RTTN: variants seen among roughly 807,000 people sequenced by gnomAD.
RTTN encodes the protein rotatin.
RTTN carries 182 observed loss-of-function variants against 269.2 expected under a neutral mutation model. That is an observed-to-expected ratio of 0.68 (90% confidence interval 0.60 to 0.76). RTTN has a LOEUF of 0.76. Among genes scored for constraint, RTTN ranks in the 30% least tolerant of loss-of-function variants. The pLI is 0.00. For synonymous variants in RTTN, 1,006 were observed against 963.5 expected (o/e 1.04, Z -0.82); for missense variants, 2,545 against 2,608.6 (o/e 0.98, Z 0.53).
chr18:70,080,915 G>C (rs933917373), intron 32 of RTTN, among the ~76,000 whole-genome samples: 4 of 143,310 alleles, frequency 2.8e-5, no homozygotes, highest in African/African-American at 1.0e-4. Flanking sequence ...TGGATAAACT[G>C]GTGTGTGTGG....
intron 20 of RTTN, 28 bp from the exon 21 acceptor site, chr18:70,139,744 T>G (rs1326758858): frequency 7.4e-7 from 1 of 1,347,300 alleles, no homozygotes; most frequent in South Asian, 1.2e-5. Context: ...ACACAGCTTT[T>G]CATTTTCACC....
chr18:70,036,438 C>A (rs918607456), intron 40 of RTTN, among the ~76,000 whole-genome samples: 5 of 152,106 alleles, frequency 3.3e-5, no homozygotes, highest in Non-Finnish European at 4.4e-5. Context: ...GGAAACAATG[C>A]AGGAACAGAA....
chr18:70,136,206 A>C (rs1260235809), intron 21 of RTTN, among the ~76,000 whole-genome samples: 1 of 76,526 alleles, frequency 1.3e-5, no homozygotes, highest in African/African-American at 3.2e-5. Flanking sequence ...AATGAACCAT[A>C]ATATTTCCAA....
chr18:70,157,942 G>A (rs1478335875), intron 14 of RTTN, among the ~76,000 whole-genome samples: 2 of 151,546 alleles, frequency 1.3e-5, no homozygotes, highest in Admixed American at 6.6e-5. Flanking sequence ...AAGAAATATG[G>A]GATTATGTAA....
At chr18:70,121,429 T>C in intron 26 of RTTN, 127 bp downstream of exon 26, 2 of 738,632 alleles carry the variant, frequency 2.7e-6, no homozygotes, top group Non-Finnish European at 2.1e-6. Flanking sequence ...GAGCCATTCA[T>C]TACATGAAGA....
chr18:70,042,890 A>G (rs1599242533), intron 40 of RTTN, among the ~76,000 whole-genome samples: 1 of 152,210 alleles, frequency 6.6e-6, no homozygotes, highest in Non-Finnish European at 1.5e-5. Flanking sequence ...CTACGCAAAA[A>G]TGAAGAGCAT....
chr18:70,166,158 T>C lies in RTTN; in HGVS notation c.1833A>G (p.Leu611=). 6.2e-7 allele frequency: 1 copy of C among 1,613,654 alleles called. No homozygotes were observed. The highest frequency in any genetic ancestry group is 8.5e-7 in the Non-Finnish European group (1 of 1,179,698). The change falls in exon 14 of 49, where the codon CTA becomes CTG. Residue 611 remains leucine, a synonymous_variant. Transcript: ENST00000640769. ...GAAGCACCTTCTGACTTTCTCCTTG[T>C]AGTAATGGACTGGCCTGAGCAGATT... is the stretch of plus-strand genomic sequence containing the variant. ...IWKSAQASPL[L]QGESQKVLLH...
At chr18:70,030,180 T>C in intron 41 of RTTN, 71 bp from the exon 42 acceptor site, 1 of 963,266 alleles carries the variant, frequency 1.0e-6, no homozygotes, top group Non-Finnish European at 1.6e-6. Context: ...CATATACCAA[T>C]CAGATTCTCA....
At chr18:70,068,612 G>A (rs2058211615) in intron 34 of RTTN, among the ~76,000 whole-genome samples, 2 of 152,208 alleles carry the variant, frequency 1.3e-5, no homozygotes, top group Admixed American at 6.5e-5. Flanking sequence ...CTTAGTTTAA[G>A]AGCAAACTTA....
intron 11 of RTTN, among the ~76,000 whole-genome samples, chr18:70,174,668 G>T: frequency 6.6e-6 from 1 of 150,674 alleles, no homozygotes; most frequent in Non-Finnish European, 1.5e-5. Context: ...AATTTATGAA[G>T]TGTTTAATTA....
intron 11 of RTTN, among the ~76,000 whole-genome samples, chr18:70,169,699 C>T (rs1242260797): frequency 6.6e-6 from 1 of 152,190 alleles, no homozygotes; most frequent in Non-Finnish European, 1.5e-5. Flanking sequence ...AAATATTATA[C>T]ACATTATAAC....
At chr18:70,154,771 T>C (rs1397618249) in intron 14 of RTTN, among the ~76,000 whole-genome samples, 1 of 152,148 alleles carries the variant, frequency 6.6e-6, no homozygotes, top group Non-Finnish European at 1.5e-5. Context: ...ATGAAATAAC[T>C]CAACCCTTGA....
At chr18:70,174,147 T>TAAAAAAA (rs10711584) in intron 11 of RTTN, among the ~76,000 whole-genome samples, 1 of 142,356 alleles carries the variant, frequency 7.0e-6, no homozygotes, top group Non-Finnish European at 1.5e-5. Context: ...TATGAAAGTT[T>TAAAAAAA]AAAAAAAAAA....
intron 17 of RTTN, 77 bp from the exon 18 acceptor site, chr18:70,145,860 A>T (rs942211922): frequency 9.0e-7 from 1 of 1,115,018 alleles, no homozygotes; most frequent in African/African-American, 1.6e-5. Context: ...AATTACAAGT[A>T]ATTATATATC....
chr18:70,173,129 T>C (rs1240509953), intron 11 of RTTN, among the ~76,000 whole-genome samples: 3 of 152,186 alleles, frequency 2.0e-5, no homozygotes, highest in East Asian at 3.8e-4. Context: ...AAATACTATA[T>C]TTAAAATGCA....
chr18:70,022,878 G>C (rs557107512), intron 44 of RTTN, among the ~76,000 whole-genome samples: 2 of 149,934 alleles, frequency 1.3e-5, no homozygotes, highest in Admixed American at 1.3e-4. Context: ...CTCAGAACTT[G>C]GTCATGGGTT....
chr18:70,099,506 AAAATTTTCTC>A (rs1435211302), intron 28 of RTTN, among the ~76,000 whole-genome samples: 2 of 152,160 alleles, frequency 1.3e-5, no homozygotes, highest in African/African-American at 4.8e-5. Context: ...GTAGATTGCA[AAAATTTTCTC>A]CCATTCTGTA....
At chr18:70,082,892 T>C (rs1167982225) in intron 32 of RTTN, among the ~76,000 whole-genome samples, 1 of 151,760 alleles carries the variant, frequency 6.6e-6, no homozygotes, top group African/African-American at 2.4e-5. Context: ...GGGGTCTCAC[T>C]ATGTTGCCCA....
chr18:70,075,486 A>C lies in RTTN; in HGVS notation c.4430T>G (p.Leu1477Arg), dbSNP rs753624472. The C allele has an allele frequency of 2.5e-5, 40 of 1,603,816 alleles. No homozygotes were observed. Among genetic ancestry groups the C allele is most frequent in the Non-Finnish European group, 2.6e-5 (31 of 1,175,920 alleles). Reference protein sequence around the residue: ...SGLSLIGKPALQALLYHCHFY... With the variant: ...SGLSLIGKPARQALLYHCHFY... ...ATGGCAGTGATATAAAAGAGCCTGA[A>C]GGGCAGGTTTTCCAATGAGCGATAG... The change falls in exon 33 of 49, where the codon CTT (leucine) becomes CGT (arginine). Residue 1477 changes from leucine (L) to arginine (R), a missense_variant. Leu to Arg is a moderately radical substitution (Grantham distance 102). Transcript: ENST00000640769.
Sources: allele counts gnomAD v4.1 joint callset (sites outside exome capture counted in the v4.1 genomes callset), GRCh38; gene constraint gnomAD v4.1.1; transcripts MANE v1.5; gene names NCBI Gene and HGNC (gene_info 2026-07-23, HGNC 2026-07-21).